The following HPSE2 variants were observed in gnomAD, a reference collection of about 807,000 sequenced individuals.
HPSE2 encodes the protein heparanase 2 (inactive).
A neutral mutation model predicts 60.5 loss-of-function variants in HPSE2; 38 were observed. The ratio of observed to expected loss-of-function variants is 0.63; its 90% CI spans 0.48 to 0.82. The LOEUF is 0.82. Ranked by LOEUF, HPSE2 falls within the 40% of genes least tolerant of loss-of-function variation. HPSE2 has a pLI of 0.00. For missense variants in HPSE2, 713 were observed against 740.4 expected (o/e 0.96, Z 0.43); for synonymous variants, 295 against 293.2 (o/e 1.01, Z -0.06).
At chr10:99,304,006 A>AT in the HPSE2 span, among the ~76,000 whole-genome samples, 1 of 152,232 alleles carries the variant, frequency 6.6e-6, no homozygotes, top group Non-Finnish European at 1.5e-5. Flanking sequence ...GCATCCAGAG[A>AT]TTTTTTACTA....
chr10:99,091,155 C>A (rs1220920814), intron 3 of HPSE2, among the ~76,000 whole-genome samples: 2 of 152,114 alleles, frequency 1.3e-5, no homozygotes, highest in Non-Finnish European at 2.9e-5. Flanking sequence ...CAAAAATATT[C>A]TTTTAAACTA....
chr10:98,540,628 T>C (rs576578224), intron 9 of HPSE2, among the ~76,000 whole-genome samples: 10 of 152,202 alleles, frequency 6.6e-5, no homozygotes, highest in Non-Finnish European at 1.5e-4. Flanking sequence ...AAGTCAAAGA[T>C]ATGAAACATA....
At chr10:99,120,552 C>T (rs982060901) in intron 3 of HPSE2, among the ~76,000 whole-genome samples, 5 of 151,890 alleles carry the variant, frequency 3.3e-5, no homozygotes, top group East Asian at 1.9e-4. Flanking sequence ...TGGCTCACTG[C>T]AACCTCCACC....
intron 3 of HPSE2, among the ~76,000 whole-genome samples, chr10:98,925,184 C>T (rs922612987): frequency 5.1e-4 from 77 of 152,214 alleles, no homozygotes; most frequent in African/African-American, 1.6e-3. Flanking sequence ...GTGAATATGA[C>T]GTTAAATCCA....
chr10:99,056,224 TA>T (rs957692287), intron 3 of HPSE2, among the ~76,000 whole-genome samples: 25 of 150,056 alleles, frequency 1.7e-4, no homozygotes, highest in Admixed American at 8.0e-4. Context: ...CAAATTCCTT[TA>T]AAAAAAAACT....
intron 5 of HPSE2, among the ~76,000 whole-genome samples, chr10:98,707,521 G>A (rs1424471293): frequency 7.2e-5 from 11 of 151,924 alleles, no homozygotes; most frequent in Admixed American, 6.6e-5. Context: ...TTAACTAAAG[G>A]AACATTATAT....
At chr10:98,855,500 T>C (rs548884302) in intron 3 of HPSE2, among the ~76,000 whole-genome samples, 1 of 152,144 alleles carries the variant, frequency 6.6e-6, no homozygotes, top group South Asian at 2.1e-4. Flanking sequence ...AAAAGCTCCA[T>C]GCTCCTAGGG....
intron 3 of HPSE2, among the ~76,000 whole-genome samples, chr10:98,835,171 C>T (rs1951764339): frequency 2.0e-5 from 3 of 151,982 alleles, no homozygotes; most frequent in Admixed American, 2.0e-4. Flanking sequence ...AAGCTGGTTG[C>T]CAATTTTCAG....
intron 3 of HPSE2, among the ~76,000 whole-genome samples, chr10:98,855,728 G>T (rs1368617373): frequency 6.6e-6 from 1 of 152,002 alleles, no homozygotes; most frequent in African/African-American, 2.4e-5. Flanking sequence ...TAAGACTAAG[G>T]CTGAACCTGA....
chr10:99,138,664 T>G (rs899328335), intron 3 of HPSE2, among the ~76,000 whole-genome samples: 1 of 152,126 alleles, frequency 6.6e-6, no homozygotes, highest in African/African-American at 2.4e-5. Flanking sequence ...ACACCGCATG[T>G]TCTCACTCAT....
chr10:98,579,399 G>C (rs972375579), intron 9 of HPSE2, among the ~76,000 whole-genome samples: 1 of 152,196 alleles, frequency 6.6e-6, no homozygotes, highest in African/African-American at 2.4e-5. Context: ...GATTTAAAGA[G>C]TCTTAGAACA....
chr10:99,092,444 C>T (rs1407698421), intron 3 of HPSE2, among the ~76,000 whole-genome samples: 3 of 152,152 alleles, frequency 2.0e-5, no homozygotes, highest in Non-Finnish European at 4.4e-5. Context: ...AAGCAAGCAC[C>T]TTCACTGACC....
intron 3 of HPSE2, among the ~76,000 whole-genome samples, chr10:99,049,639 AC>A (rs1957944053): frequency 1.3e-5 from 2 of 152,114 alleles, no homozygotes; most frequent in Non-Finnish European, 2.9e-5. Context: ...AAAAAAAACA[AC>A]TTGTCTACCA....
chr10:98,960,720 TG>T (rs370127838), intron 3 of HPSE2, among the ~76,000 whole-genome samples: 14,572 of 68,464 alleles, frequency 0.21, 1,056 homozygotes, highest in African/African-American at 0.35. Flanking sequence ...TTTTTTTTTT[TG>T]TTTTATTTTT....
intron 3 of HPSE2, among the ~76,000 whole-genome samples, chr10:98,852,165 GTATATA>G (rs67500258): frequency 1.1e-3 from 127 of 119,210 alleles, no homozygotes; most frequent in South Asian, 5.7e-3. Flanking sequence ...GTGTGTGTGT[GTATATA>G]TGTTTGGTTT....
chr10:99,221,235 A>C (rs180944820), intron 2 of HPSE2, among the ~76,000 whole-genome samples: 1 of 152,198 alleles, frequency 6.6e-6, no homozygotes, highest in Admixed American at 6.5e-5. Context: ...GAAAAGCATA[A>C]ATCTGTAGAA....
At chr10:99,270,678 C>CA in the HPSE2 span, among the ~76,000 whole-genome samples, 4 of 151,772 alleles carry the variant, frequency 2.6e-5, no homozygotes, top group Admixed American at 2.6e-4. Context: ...AAGGATATAA[C>CA]AAAAAAAGAA....
chr10:98,605,195 T>A (rs1417046903), intron 9 of HPSE2, among the ~76,000 whole-genome samples: 2 of 152,212 alleles, frequency 1.3e-5, no homozygotes, highest in Non-Finnish European at 2.9e-5. Context: ...TTCCTCCCTG[T>A]CTTATTTTCA....
intron 3 of HPSE2, among the ~76,000 whole-genome samples, chr10:99,019,746 G>A (rs1034838518): frequency 6.7e-6 from 1 of 149,450 alleles, no homozygotes. Context: ...GTCTCACTCT[G>A]TCCCCCAGGC....
Sources: allele counts gnomAD v4.1 joint callset (sites outside exome capture counted in the v4.1 genomes callset), GRCh38; gene constraint gnomAD v4.1.1; transcripts MANE v1.5; gene names NCBI Gene and HGNC (gene_info 2026-07-23, HGNC 2026-07-21).